Variants in COLEC12 observed in about 807,000 individuals in gnomAD.
COLEC12 encodes collectin-12.
Under a neutral mutation model 71.1 loss-of-function variants are expected in COLEC12, and 33 were observed. That is an observed-to-expected ratio of 0.46 (90% CI 0.35 to 0.62). COLEC12 has a LOEUF of 0.62. COLEC12 is among the 20% of genes least tolerant of loss of function. The probability of loss-of-function intolerance (pLI) is 0.00; values close to 1 mark genes in which losing one functional copy is unlikely to be tolerated. For synonymous variants in COLEC12, 350 were observed against 353.0 expected, an observed-to-expected ratio of 0.99 and a Z score of 0.10; for missense variants, 765 against 916.1, an observed-to-expected ratio of 0.84 and a Z score of 2.13.
At chr18:474,374 C>T (rs548603388) in intron 2 of COLEC12, among the ~76,000 whole-genome samples, 17 of 152,298 alleles carry the variant, frequency 1.1e-4, no homozygotes, top group South Asian at 2.1e-4. Context: ...TTCTTTCACA[C>T]GACTTTCTCT....
At chr18:383,748 T>C (rs1915284501) in intron 2 of COLEC12, among the ~76,000 whole-genome samples, 1 of 152,076 alleles carries the variant, frequency 6.6e-6, no homozygotes, top group Admixed American at 6.6e-5. Flanking sequence ...GTTGTATTAG[T>C]CCATTCTCAG....
At chr18:357,148 G>A (rs536018319) in intron 3 of COLEC12, among the ~76,000 whole-genome samples, 13 of 152,102 alleles carry the variant, frequency 8.5e-5, no homozygotes, top group Non-Finnish European at 1.5e-4. Context: ...AAGCAACAAG[G>A]GAAAAAAAAC....
At chr18:414,996 AT>A (rs1366229264) in intron 2 of COLEC12, among the ~76,000 whole-genome samples, 1 of 152,040 alleles carries the variant, frequency 6.6e-6, no homozygotes, top group Non-Finnish European at 1.5e-5. Flanking sequence ...TCTGCACCTA[AT>A]AAAACTACTG....
At chr18:474,860 G>T (rs11081138) in intron 2 of COLEC12, among the ~76,000 whole-genome samples, 36,993 of 151,858 alleles carry the variant, frequency 0.24, 5,072 homozygotes, top group East Asian at 0.63. Flanking sequence ...ATCACCCAAG[G>T]TCAGGAGTTC....
chr18:488,165 C>T (rs1015198150), intron 1 of COLEC12, among the ~76,000 whole-genome samples: 1 of 151,988 alleles, frequency 6.6e-6, no homozygotes, highest in Non-Finnish European at 1.5e-5. Context: ...AATCCCAGCA[C>T]TTTGGGAGGC....
intron 2 of COLEC12, among the ~76,000 whole-genome samples, chr18:412,950 T>G (rs1915920970): frequency 6.6e-6 from 1 of 152,190 alleles, no homozygotes; most frequent in Non-Finnish European, 1.5e-5. Flanking sequence ...AGAGCAGACC[T>G]AAGCCCTAAC....
chr18:480,876 T>C lies in COLEC12; in HGVS notation c.8-119A>G. 1.1e-6 allele frequency: 1 copy of C among 890,540 alleles called. No homozygotes were observed. The highest frequency in any genetic ancestry group is 1.3e-5 in the South Asian group (1 of 74,552). 55.2% of individuals were successfully genotyped at this position (890,540 alleles called of 1,614,324 possible). A position where few individuals can be genotyped will look rare whatever the true frequency, so the allele number is the denominator to read the frequency against. On this transcript the variant is annotated intron_variant, in intron 1 of 9. Coordinates refer to ENST00000400256, the MANE Select transcript of COLEC12 (RefSeq NM_130386.3). The surrounding 1 kb of genome is among the most constrained non-coding windows in gnomAD (Gnocchi z 4.1). ...GTCACAGCAGCTTTCCTTCTGCTCG[T>C]GGATCGCACCAGGCTTTCTGGAAGA...
intron 1 of COLEC12, among the ~76,000 whole-genome samples, chr18:486,338 T>G (rs968557293): frequency 7.2e-5 from 11 of 152,114 alleles, no homozygotes; most frequent in African/African-American, 2.7e-4. Flanking sequence ...GCCTGCGCCA[T>G]TATGCCTGCC....
At chr18:355,427 C>T (rs1327174129) in intron 3 of COLEC12, among the ~76,000 whole-genome samples, 1 of 151,990 alleles carries the variant, frequency 6.6e-6, no homozygotes, top group Non-Finnish European at 1.5e-5. Flanking sequence ...ACACGCACAA[C>T]ACGCCAGAGC....
At chr18:371,273 C>T (rs960438259) in intron 2 of COLEC12, among the ~76,000 whole-genome samples, 12 of 152,186 alleles carry the variant, frequency 7.9e-5, no homozygotes, top group Non-Finnish European at 1.5e-4. Context: ...ATTAGAAGCA[C>T]TCATTTACTA....
At chr18:488,446 A>C (rs1425891191) in intron 1 of COLEC12, among the ~76,000 whole-genome samples, 1 of 152,198 alleles carries the variant, frequency 6.6e-6, no homozygotes, top group East Asian at 1.9e-4. Flanking sequence ...TGGAAATTAA[A>C]AAATATGATC....
chr18:400,033 C>T (rs1915650240), intron 2 of COLEC12, among the ~76,000 whole-genome samples: 1 of 152,108 alleles, frequency 6.6e-6, no homozygotes, highest in Non-Finnish European at 1.5e-5. Context: ...GGACTTCCAG[C>T]TTTCTCTTAG....
In COLEC12 at chr18:480,624, G is replaced by T; in HGVS notation, c.58+83C>A. The T allele has an allele frequency of 8.1e-7, 1 of 1,233,560 alleles. No homozygotes were observed. Among genetic ancestry groups the T allele is most frequent in the Non-Finnish European group, 1.2e-6 (1 of 833,034 alleles). The allele number at this position is 1,233,560 out of a possible 1,614,324, so 76.4% of individuals were successfully genotyped here. On this transcript the variant is annotated intron_variant, in intron 2 of 9. Coordinates refer to ENST00000400256, the MANE Select transcript of COLEC12 (RefSeq NM_130386.3). The surrounding 1 kb of genome is among the most constrained non-coding windows in gnomAD (Gnocchi z 4.1). The stretch of plus-strand genomic sequence containing the variant: ...ACCCATGTGCATGAAGGGCCTGCCA[G>T]TGGCCTGCCAATGGTCTCTGAGGGT...
intron 1 of COLEC12, among the ~76,000 whole-genome samples, chr18:489,945 C>A (rs761197087): frequency 1.3e-5 from 2 of 152,192 alleles, no homozygotes; most frequent in African/African-American, 4.8e-5. Flanking sequence ...GGGGCCATGG[C>A]AGATCATCGT....
intron 2 of COLEC12, among the ~76,000 whole-genome samples, chr18:381,437 C>T (rs894296178): frequency 6.6e-6 from 1 of 152,156 alleles, no homozygotes; most frequent in Non-Finnish European, 1.5e-5. Context: ...AAATATCACA[C>T]TGTACCCCAT....
chr18:475,206 G>A (rs1028643806), intron 2 of COLEC12, among the ~76,000 whole-genome samples: 2 of 152,080 alleles, frequency 1.3e-5, no homozygotes, highest in East Asian at 1.9e-4. Context: ...CAGGAGCACC[G>A]AGTTCCACTG....
Position 346,365 on chromosome 18 carries a change from C to G in COLEC12, c.1257G>C (p.Val419=). Residue 419 remains valine, a synonymous_variant, in exon 5 of 10, where the codon GTG becomes GTC. Coordinates refer to ENST00000400256, the MANE Select transcript of COLEC12 (RefSeq NM_130386.3). This position sits in a 1 kb window ranked among gnomAD's most constrained non-coding sequence, Gnocchi z 4.0. ...RLDTEVANLS[V]IMEEMKLVDS... ...CTACTAGCTTCATTTCTTCCATAAT[C>G]ACTGATAAGTTGGCTACTTCAGTGT... is the stretch of plus-strand genomic sequence containing the variant. 6.2e-7 allele frequency: 1 copy of G among 1,614,124 alleles called. No homozygotes were observed. The highest frequency in any genetic ancestry group is 8.5e-7 in the Non-Finnish European group (1 of 1,180,020).
chr18:395,835 C>T (rs1915559559), intron 2 of COLEC12, among the ~76,000 whole-genome samples: 1 of 152,206 alleles, frequency 6.6e-6, no homozygotes, highest in African/African-American at 2.4e-5. Context: ...TCCCCCCATC[C>T]ATCCTCTTGA....
At chr18:326,761 T>C (rs1913854282) in intron 8 of COLEC12, among the ~76,000 whole-genome samples, 1 of 152,214 alleles carries the variant, frequency 6.6e-6, no homozygotes, top group Non-Finnish European at 1.5e-5. Context: ...TTTGCAGATG[T>C]TGGGTAAAAC....
Sources: gnomAD v4.1 joint callset for allele counts (sites outside exome capture counted in the v4.1 genomes callset) on GRCh38, gnomAD v4.1.1 for gene constraint, Gnocchi (gnomAD v3.1) non-coding constraint, MANE v1.5 for transcripts, NCBI Gene and HGNC (gene_info 2026-07-23, HGNC 2026-07-21) for gene names.